CABP7: variants seen among roughly 807,000 people sequenced by gnomAD.
CABP7 encodes calcium-binding protein 7.
Under a neutral mutation model 23.1 loss-of-function variants are expected in CABP7, and 13 were observed. The observed-to-expected ratio is 0.56, with a 90% CI of 0.37 to 0.90. The LOEUF (loss-of-function observed/expected upper bound fraction) is 0.90. Ranked by LOEUF, CABP7 falls within the 40% of genes least tolerant of loss-of-function variation. CABP7 has a pLI of 0.01. For synonymous variants in CABP7, 123 were observed against 115.3 expected, an observed-to-expected ratio of 1.07 and a Z score of -0.43; for missense variants, 248 against 295.6, an observed-to-expected ratio of 0.84 and a Z score of 1.18.
rs148199141 is a variant in CABP7, at chr22:29,724,093, C to T, written c.109+3560C>T. Among the ~76,000 whole-genome samples the T allele has an allele frequency of 1.4e-4, 21 of 152,336 alleles. 1 individual carries two copies. Among genetic ancestry groups the T allele is most frequent in the Middle Eastern group, 3.4e-3 (1 of 294 alleles). Reference sequence around the variant, plus strand: ...CGGGACGGGAAGGGAGCAAGGCTTTCGGGGAAATGCACCCAGCTGTGGGGT... The same window carrying T: ...CGGGACGGGAAGGGAGCAAGGCTTTTGGGGAAATGCACCCAGCTGTGGGGT... On this transcript the variant is annotated intron_variant, in intron 1 of 4. Coordinates refer to ENST00000216144, the MANE Select transcript of CABP7 (RefSeq NM_182527.3).
Position 29,729,448 on chromosome 22 carries a change from C to T in CABP7, c.527C>T (p.Ser176Phe), listed in dbSNP as rs1471458309. The T allele has an allele frequency of 6.2e-7, 1 of 1,610,232 alleles. No individual in the cohort carries two copies. The highest frequency in any genetic ancestry group is 2.2e-5 in the East Asian group (1 of 44,884). The change falls in exon 5 of 5, where the codon TCC becomes TTC. Residue 176 changes from serine (S) to phenylalanine (F), a missense_variant. Physicochemically the swap from Ser to Phe is radical, Grantham distance 155. Transcript: ENST00000216144. ...TCCCGGCGGGCGGCCACAGCCTGCT[C>T]CAACCAGCAGATCCGCCAGACTTGC... ...EECPVDVETCSNQQIRQTCVR... is the reference protein window; with the variant it reads ...EECPVDVETCFNQQIRQTCVR...
chr22:29,722,054 C>T (rs576838306), intron 1 of CABP7, among the ~76,000 whole-genome samples: 12 of 152,282 alleles, frequency 7.9e-5, no homozygotes, highest in African/African-American at 2.6e-4. Flanking sequence ...GCAGATTTTT[C>T]CCTCCAGAGG....
At chr22:29,724,893 T>C (rs2067784639) in intron 1 of CABP7, among the ~76,000 whole-genome samples, 1 of 152,178 alleles carries the variant, frequency 6.6e-6, no homozygotes, top group Non-Finnish European at 1.5e-5. Flanking sequence ...GTGCGTTTTC[T>C]CAGGGTCTCC....
chr22:29,727,674 C>G lies in CABP7; in HGVS notation c.122C>G (p.Ala41Gly). ...PEDELEEIRE[A>G]FKVFDRDGNG... ...ATTCTCTCCTCAGAGATCCGAGAGG[C>G]CTTCAAGGTGTTTGACCGTGACGGC... The change falls in exon 2 of 5, where the codon GCC becomes GGC. Residue 41 changes from alanine to glycine, a missense_variant. Transcript: ENST00000216144. This position sits in a 1 kb window ranked among gnomAD's most constrained non-coding sequence, Gnocchi z 4.2. The G allele has an allele frequency of 6.2e-7, 1 of 1,613,828 alleles. No homozygotes were observed. The highest frequency in any genetic ancestry group is 2.2e-5 in the East Asian group (1 of 44,884).
At position 29,727,666 on chromosome 22, in the gene CABP7, C is replaced by A; in HGVS notation, c.114C>A (p.Ile38=). The A allele has an allele frequency of 6.2e-7, 1 of 1,613,774 alleles. No homozygotes were observed. Among genetic ancestry groups the A allele is most frequent in the Non-Finnish European group, 8.5e-7 (1 of 1,179,958 alleles). ...CCTACTCCATTCTCTCCTCAGAGAT[C>A]CGAGAGGCCTTCAAGGTGTTTGACC... ...VDIPEDELEE[I]REAFKVFDRD... is the part of the protein sequence containing the mutation. The change falls in exon 2 of 5, where the codon ATC becomes ATA. Residue 38 remains isoleucine, a synonymous_variant. Coordinates refer to ENST00000216144, the MANE Select transcript of CABP7 (RefSeq NM_182527.3). The surrounding 1 kb of genome is among the most constrained non-coding windows in gnomAD (Gnocchi z 4.2).
Position 29,731,544 on chromosome 22 carries a change from C to T in CABP7, c.*1975C>T. The T allele has an allele frequency of 1.6e-6, 1 of 639,942 alleles. No homozygotes were observed. Among genetic ancestry groups the T allele is most frequent in the Non-Finnish European group, 2.5e-6 (1 of 407,676 alleles). 39.6% of individuals were successfully genotyped at this position (639,942 alleles called of 1,614,324 possible). A position where few individuals can be genotyped will look rare whatever the true frequency, so the allele number is the denominator to read the frequency against. On this transcript the variant is annotated 3_prime_UTR_variant, in exon 5 of 5. Transcript: ENST00000216144. ...CGACCTCACCTCTAGGAACTGAGCC[C>T]AAGGAAATAGCGGGGTTGCAGGCAG...
chr22:29,720,885 C>G lies in CABP7; in HGVS notation c.109+352C>G, dbSNP rs991525026. On this transcript the variant is annotated intron_variant, in intron 1 of 4. Coordinates refer to ENST00000216144, the MANE Select transcript of CABP7 (RefSeq NM_182527.3). The surrounding 1 kb of genome is among the most constrained non-coding windows in gnomAD (Gnocchi z 5.2). Reference sequence around the variant, plus strand: ...CCGCGCTGAGCCCCCAGCGCCGGCCCGGCCGGAGCACCCGCATCCTGATCC... The same window carrying G: ...CCGCGCTGAGCCCCCAGCGCCGGCCGGGCCGGAGCACCCGCATCCTGATCC... Among the ~76,000 whole-genome samples the G allele has an allele frequency of 6.6e-6, 1 of 151,688 alleles. No individual in the cohort carries two copies. The highest frequency in any genetic ancestry group is 2.0e-4 in the East Asian group (1 of 5,126).
Position 29,729,473 on chromosome 22 carries a change from C to G in CABP7, c.552C>G (p.Cys184Trp). ...TCSNQQIRQT[C>W]VRKSLICAFA... ...CCAACCAGCAGATCCGCCAGACTTGCGTGCGCAAGAGTCTCATCTGCGCCT... is the reference window on the plus strand; with the variant it reads ...CCAACCAGCAGATCCGCCAGACTTGGGTGCGCAAGAGTCTCATCTGCGCCT... Residue 184 changes from cysteine (C) to tryptophan (W), a missense_variant, in exon 5 of 5, where the codon TGC becomes TGG. Transcript: ENST00000216144. 2 of 1,611,656 alleles carry G rather than the reference C, an allele frequency of 1.2e-6. No homozygotes were observed. The highest frequency in any genetic ancestry group is 1.7e-6 in the Non-Finnish European group (2 of 1,179,976).
chr22:29,731,602 C>T lies in CABP7; in HGVS notation c.*2033C>T, dbSNP rs989586698. On this transcript the variant is annotated 3_prime_UTR_variant, in exon 5 of 5. Coordinates refer to ENST00000216144, the MANE Select transcript of CABP7 (RefSeq NM_182527.3). ...GCTGCGAGACAATGGGAATAACCTT[C>T]GTGTCCACCTGTGGGGGACTGATTC... The T allele has an allele frequency of 1.1e-5, 5 of 464,696 alleles. No homozygotes were observed. Among genetic ancestry groups the T allele is most frequent in the Middle Eastern group, 5.4e-4 (1 of 1,856 alleles). The allele number at this position is 464,696 out of a possible 1,614,324, so 28.8% of individuals were successfully genotyped here. A position where few individuals can be genotyped will look rare whatever the true frequency, so the allele number is the denominator to read the frequency against.
chr22:29,725,089 G>C (rs777946187), intron 1 of CABP7, among the ~76,000 whole-genome samples: 2 of 152,272 alleles, frequency 1.3e-5, no homozygotes, highest in South Asian at 4.1e-4. Context: ...ACCCTGCAGA[G>C]GAGGAAAGGG....
rs754335494 is a variant in CABP7, at chr22:29,728,953, C to A, written c.367-102C>A. 3.5e-6 allele frequency: 5 copies of A among 1,428,338 alleles called. No homozygotes were observed. In the African/African-American group the frequency reaches 4.2e-5, roughly 12 times the overall value. The allele number at this position is 1,428,338 out of a possible 1,614,324, so 88.5% of individuals were successfully genotyped here. A position where few individuals can be genotyped will look rare whatever the true frequency, so the allele number is the denominator to read the frequency against. On this transcript the variant is annotated intron_variant, in intron 3 of 4. Coordinates refer to ENST00000216144, the MANE Select transcript of CABP7 (RefSeq NM_182527.3). The stretch of plus-strand genomic sequence containing the variant: ...GGGGAATGGAGCAAGTGTTTTCCAG[C>A]CCCCCAGAATCTAGAGGCCTGTCAC...
intron 1 of CABP7, among the ~76,000 whole-genome samples, chr22:29,721,136 C>T (rs1273229671): frequency 6.6e-6 from 1 of 152,192 alleles, no homozygotes; most frequent in East Asian, 1.9e-4. Context: ...GAGGCGGTGG[C>T]GACAACAAGT....
rs763788690 is a variant in CABP7, at chr22:29,720,483, A to G, written c.59A>G (p.Asn20Ser). 1.3e-6 allele frequency: 2 copies of G among 1,562,338 alleles called. No homozygotes were observed. Among genetic ancestry groups the G allele is most frequent in the Admixed American group, 1.8e-5 (1 of 55,784 alleles). The change falls in exon 1 of 5, where the codon AAC (asparagine) becomes AGC (serine). Residue 20 changes from asparagine (N) to serine (S), a missense_variant. Coordinates refer to ENST00000216144, the MANE Select transcript of CABP7 (RefSeq NM_182527.3). The surrounding 1 kb of genome is among the most constrained non-coding windows in gnomAD (Gnocchi z 5.2). ...TACCGGGGCATCTACACCGTGCCCA[A>G]CCTGCTGTCGGAGCAGCGCCCGGTG... ...LMYRGIYTVP[N>S]LLSEQRPVDI...
Position 29,731,099 on chromosome 22 carries a change from T to C in CABP7, c.*1530T>C. Reference sequence around the variant, plus strand: ...GGCTGCACTTGGTGTGGCCGTGTCCTGAGCCTCAGTGAGGCTGGGCAGATG... The same window carrying C: ...GGCTGCACTTGGTGTGGCCGTGTCCCGAGCCTCAGTGAGGCTGGGCAGATG... On this transcript the variant is annotated 3_prime_UTR_variant, in exon 5 of 5. Coordinates refer to ENST00000216144, the MANE Select transcript of CABP7 (RefSeq NM_182527.3). 1 of 1,089,836 alleles carries C rather than the reference T, an allele frequency of 9.2e-7. No individual in the cohort carries two copies. The highest frequency in any genetic ancestry group is 1.2e-6 in the Non-Finnish European group (1 of 802,306). The allele number at this position is 1,089,836 out of a possible 1,614,324, so 67.5% of individuals were successfully genotyped here. A position where few individuals can be genotyped will look rare whatever the true frequency, so the allele number is the denominator to read the frequency against.
At position 29,728,712 on chromosome 22, in the gene CABP7, T is replaced by C; in HGVS notation, c.336T>C (p.His112=). 1.2e-6 allele frequency: 2 copies of C among 1,613,574 alleles called. No individual in the cohort carries two copies. Among genetic ancestry groups the C allele is most frequent in the Non-Finnish European group, 1.7e-6 (2 of 1,179,770 alleles). ...LSTSGIPEKF[H]GTDFDTVFWK... The stretch of plus-strand genomic sequence containing the variant: ...CCTCAGGGATCCCAGAGAAGTTCCA[T>C]GGCACCGACTTTGATACTGTCTTCT... The change falls in exon 3 of 5, where the codon CAT becomes CAC. Residue 112 remains histidine, a synonymous_variant. Coordinates refer to ENST00000216144, the MANE Select transcript of CABP7 (RefSeq NM_182527.3).
Position 29,729,462 on chromosome 22 carries a change from C to T in CABP7, c.541C>T (p.Arg181Cys), listed in dbSNP as rs762471805. 23 of 1,611,132 alleles carry T rather than the reference C, an allele frequency of 1.4e-5. No homozygotes were observed. The highest frequency in any genetic ancestry group is 5.3e-5 in the African/African-American group (4 of 75,072). ...DVETCSNQQI[R>C]QTCVRKSLIC... ...CACAGCCTGCTCCAACCAGCAGATC[C>T]GCCAGACTTGCGTGCGCAAGAGTCT... Residue 181 changes from arginine (R) to cysteine (C), a missense_variant, in exon 5 of 5, where the codon CGC (arginine) becomes TGC (cysteine). Coordinates refer to ENST00000216144, the MANE Select transcript of CABP7 (RefSeq NM_182527.3).
At position 29,729,656 on chromosome 22, in the gene CABP7, C is replaced by G; in HGVS notation, c.*87C>G. 6.5e-7 allele frequency: 1 copy of G among 1,530,310 alleles called. No individual in the cohort carries two copies. The allele number at this position is 1,530,310 out of a possible 1,614,324, so 94.8% of individuals were successfully genotyped here. ...GCCTGCAGACCTCTCCCTTGGCCGG[C>G]TCCCTGGGCCGCCATCTGCGTGTAC... On this transcript the variant is annotated 3_prime_UTR_variant, in exon 5 of 5. Transcript: ENST00000216144.
chr22:29,729,014 T>C (rs2067816582), intron 3 of CABP7, 41 bp from the exon 4 acceptor site: 2 of 1,596,850 alleles, frequency 1.3e-6, no homozygotes, highest in African/African-American at 1.3e-5. Flanking sequence ...GGGTGGGGGC[T>C]GCGGTGGCTC....
chr22:29,731,471 CT>C lies in CABP7; in HGVS notation c.*1906del. On this transcript the variant is annotated 3_prime_UTR_variant, in exon 5 of 5. Transcript: ENST00000216144. ...TGGGGAGGGTCAGCTGCCTGCATGA[CT>C]TTTCTGGAAGGCAGAGCCTCGAAAA... 1 of 1,387,972 alleles carries C rather than the reference CT, an allele frequency of 7.2e-7. No individual in the cohort carries two copies. The highest frequency in any genetic ancestry group is 9.5e-7 in the Non-Finnish European group (1 of 1,057,170). The allele number at this position is 1,387,972 out of a possible 1,614,324, so 86.0% of individuals were successfully genotyped here.
Sources: gnomAD v4.1 joint callset for allele counts (sites outside exome capture counted in the v4.1 genomes callset) on GRCh38, gnomAD v4.1.1 for gene constraint, Gnocchi (gnomAD v3.1) non-coding constraint, MANE v1.5 for transcripts, NCBI Gene and HGNC (gene_info 2026-07-23, HGNC 2026-07-21) for gene names.